PTPRK: variants seen among roughly 807,000 people sequenced by gnomAD.
The protein encoded by PTPRK is protein tyrosine phosphatase receptor type K.
A neutral mutation model predicts 178.0 loss-of-function variants in PTPRK; 75 were observed. The ratio of observed to expected loss-of-function variants is 0.42; its 90% CI spans 0.35 to 0.51. The LOEUF is 0.51. PTPRK is among the 20% of genes least tolerant of loss of function. The pLI, the probability that PTPRK is intolerant of heterozygous loss-of-function variation, is 0.02. For synonymous variants in PTPRK, 637 were observed against 620.6 expected (o/e 1.03, Z -0.39); for missense variants, 1,441 against 1,797.8 (o/e 0.80, Z 3.59).
chr6:128,384,819 T>C (rs1224943724), intron 2 of PTPRK, among the ~76,000 whole-genome samples: 1 of 151,920 alleles, frequency 6.6e-6, no homozygotes, highest in African/African-American at 2.4e-5. Flanking sequence ...GGAATTAGGT[T>C]TTATCTCTGT....
intron 6 of PTPRK, among the ~76,000 whole-genome samples, chr6:128,199,086 T>G (rs543647657): frequency 6.6e-6 from 1 of 152,296 alleles, no homozygotes; most frequent in South Asian, 2.1e-4. Context: ...AAAATCAGCA[T>G]ACCCTATGAC....
chr6:128,413,933 TA>T (rs1004292448), intron 1 of PTPRK, among the ~76,000 whole-genome samples: 1 of 151,886 alleles, frequency 6.6e-6, no homozygotes, highest in Non-Finnish European at 1.5e-5. Flanking sequence ...ATAACCCTAT[TA>T]AAAAAAGACT....
At chr6:127,983,021 G>C (rs1554259069) in intron 23 of PTPRK, 41 bp from the exon 24 acceptor site, 1 of 1,560,066 alleles carries the variant, frequency 6.4e-7, no homozygotes, top group Non-Finnish European at 8.7e-7. Context: ...ACTAGTTTTA[G>C]TATCACTTTT....
intron 10 of PTPRK, among the ~76,000 whole-genome samples, chr6:128,080,806 T>G (rs79846736): frequency 0.035 from 5,255 of 152,064 alleles, 157 homozygotes; most frequent in Middle Eastern, 0.092. Flanking sequence ...AACCATAAAT[T>G]TATTAATCTT....
chr6:128,325,653 T>A (rs1829454088), intron 2 of PTPRK, among the ~76,000 whole-genome samples: 2 of 152,070 alleles, frequency 1.3e-5, no homozygotes, highest in South Asian at 4.1e-4. Context: ...TGGTGATCAT[T>A]AAAAAGTCAA....
At chr6:128,187,224 G>A (rs1450498373) in intron 6 of PTPRK, among the ~76,000 whole-genome samples, 3 of 151,854 alleles carry the variant, frequency 2.0e-5, no homozygotes, top group Non-Finnish European at 2.9e-5. Context: ...AGATGAGAGA[G>A]GAAGGAAAGA....
At chr6:128,165,739 T>G (rs978249734) in intron 7 of PTPRK, among the ~76,000 whole-genome samples, 1 of 151,390 alleles carries the variant, frequency 6.6e-6, no homozygotes, top group African/African-American at 2.4e-5. Flanking sequence ...AAATCTGTAA[T>G]AAATTTATCA....
chr6:128,015,189 C>T (rs1394405567), intron 13 of PTPRK, among the ~76,000 whole-genome samples: 1 of 151,490 alleles, frequency 6.6e-6, no homozygotes, highest in African/African-American at 2.4e-5. Context: ...GTACAAAATT[C>T]TGAAGTGACA....
intron 2 of PTPRK, among the ~76,000 whole-genome samples, chr6:128,364,849 T>C (rs541444801): frequency 5.9e-5 from 9 of 152,140 alleles, no homozygotes; most frequent in African/African-American, 2.2e-4. Flanking sequence ...GTCTTTAATA[T>C]TGTGAACCAA....
At chr6:128,184,378 T>C in intron 7 of PTPRK, 54 bp downstream of exon 7, 1 of 1,529,104 alleles carries the variant, frequency 6.5e-7, no homozygotes, top group South Asian at 1.2e-5. Flanking sequence ...TGTATTAATG[T>C]GTCTTATGCT....
intron 7 of PTPRK, among the ~76,000 whole-genome samples, chr6:128,178,380 C>A (rs1801406279): frequency 6.6e-6 from 1 of 151,764 alleles, no homozygotes; most frequent in African/African-American, 2.4e-5. Flanking sequence ...AACATCTCAT[C>A]AAATACACAG....
intron 3 of PTPRK, among the ~76,000 whole-genome samples, chr6:128,253,211 G>C (rs149803349): frequency 6.2e-4 from 94 of 152,210 alleles, no homozygotes; most frequent in South Asian, 2.9e-3. Flanking sequence ...TATGAGTTTA[G>C]CAAAAAGAGA....
At chr6:128,248,765 T>C (rs187481915) in intron 3 of PTPRK, among the ~76,000 whole-genome samples, 4 of 152,278 alleles carry the variant, frequency 2.6e-5, no homozygotes, top group Admixed American at 2.0e-4. Context: ...GAAGTTTGTC[T>C]GAATGGATAA....
At chr6:128,441,340 GAA>G (rs1369553440) in intron 1 of PTPRK, among the ~76,000 whole-genome samples, 2 of 152,034 alleles carry the variant, frequency 1.3e-5, no homozygotes, top group Non-Finnish European at 2.9e-5. Context: ...AACATGAAGT[GAA>G]ATGGAAACTT....
At chr6:128,264,585 C>T (rs1385514480) in intron 3 of PTPRK, among the ~76,000 whole-genome samples, 1 of 152,054 alleles carries the variant, frequency 6.6e-6, no homozygotes, top group African/African-American at 2.4e-5. Flanking sequence ...ACTTAAACTC[C>T]TAGGCTCAAG....
At chr6:128,502,419 A>G (rs940437623) in intron 1 of PTPRK, among the ~76,000 whole-genome samples, 2 of 152,222 alleles carry the variant, frequency 1.3e-5, no homozygotes, top group East Asian at 3.8e-4. Flanking sequence ...AAGTTTCTTG[A>G]TAACTAAACC....
intron 7 of PTPRK, among the ~76,000 whole-genome samples, chr6:128,124,944 G>A (rs555782323): frequency 2.0e-4 from 30 of 152,288 alleles, no homozygotes; most frequent in African/African-American, 5.8e-4. Context: ...TGAGTCTCCA[G>A]GCTGCCAGCC....
At chr6:128,451,506 T>C (rs1050513207) in intron 1 of PTPRK, among the ~76,000 whole-genome samples, 6 of 152,076 alleles carry the variant, frequency 3.9e-5, no homozygotes, top group African/African-American at 7.2e-5. Context: ...GTTTTTTTAA[T>C]ACATTCAAAC....
At chr6:128,239,053 A>C (rs561323318) in intron 5 of PTPRK, among the ~76,000 whole-genome samples, 2 of 150,488 alleles carry the variant, frequency 1.3e-5, no homozygotes, top group African/African-American at 4.9e-5. Context: ...CCCCAACACT[A>C]CTTTCACCTA....
Sources: gnomAD v4.1 joint callset for allele counts (sites outside exome capture counted in the v4.1 genomes callset) on GRCh38, gnomAD v4.1.1 for gene constraint, MANE v1.5 for transcripts, NCBI Gene and HGNC (gene_info 2026-07-23, HGNC 2026-07-21) for gene names.